Variants in DAB1 observed in about 807,000 individuals in gnomAD.
DAB1 encodes the protein DAB adaptor protein 1.
In DAB1, 15 loss-of-function variants were observed where a neutral mutation model predicts 64.6. The observed-to-expected ratio is 0.23, with a 90% CI of 0.16 to 0.36. The LOEUF (loss-of-function observed/expected upper bound fraction) is 0.36, where lower values mean the gene tolerates loss of function less well. Among genes scored for constraint, DAB1 ranks in the 10% least tolerant of loss-of-function variants. The pLI is 1.00. For synonymous variants in DAB1, 235 were observed against 251.9 expected (o/e 0.93, Z 0.64); for missense variants, 596 against 706.7 (o/e 0.84, Z 1.78).
chr1:57,399,951 T>G (rs565343035), intron 1 of DAB1, among the ~76,000 whole-genome samples: 1 of 152,340 alleles, frequency 6.6e-6, no homozygotes, highest in Admixed American at 6.5e-5. Flanking sequence ...TGGATTAGAA[T>G]AGCCTGTCTT....
intron 5 of DAB1, among the ~76,000 whole-genome samples, chr1:57,990,409 C>T (rs758668130): frequency 2.0e-5 from 3 of 152,236 alleles, no homozygotes; most frequent in African/African-American, 4.8e-5. Context: ...TATCCCCAAA[C>T]ATACCAACAT....
intron 4 of DAB1, among the ~76,000 whole-genome samples, chr1:58,287,452 C>T (rs1661712286): frequency 6.6e-6 from 1 of 152,040 alleles, no homozygotes; most frequent in Admixed American, 6.6e-5. Context: ...GTGGCTGGAG[C>T]CAGAGTCACC....
At chr1:57,028,754 G>A (rs1646870360) in intron 9 of DAB1, among the ~76,000 whole-genome samples, 1 of 152,164 alleles carries the variant, frequency 6.6e-6, no homozygotes, top group Non-Finnish European at 1.5e-5. Flanking sequence ...CTGTCCTAGA[G>A]ACTTGTGGAA....
At position 58,418,381 on chromosome 1, in the gene DAB1, A is replaced by C. The variant is rs1644742155; in HGVS notation, n.258-74978T>G. On this transcript the variant is annotated intron_variant and non_coding_transcript_variant, in intron 3 of 20. Coordinates refer to the DAB1 transcript ENST00000485760. Reference sequence around the variant, plus strand: ...CAGCCTCGATCACACTCCTTGGTCAATGACTTTCTCCTCTGCTTGCAAAAG... The same window carrying C: ...CAGCCTCGATCACACTCCTTGGTCACTGACTTTCTCCTCTGCTTGCAAAAG... Among the ~76,000 whole-genome samples, 3 of 152,274 alleles carry C rather than the reference A, an allele frequency of 2.0e-5. No individual in the cohort carries two copies. The South Asian group carries it at 6.2e-4, about 32-fold the overall frequency.
At chr1:58,127,731 G>T (rs1209965844) in intron 5 of DAB1, among the ~76,000 whole-genome samples, 1 of 151,586 alleles carries the variant, frequency 6.6e-6, no homozygotes, top group Non-Finnish European at 1.5e-5. Flanking sequence ...TTTCCCCATT[G>T]CTTGTTTTTC....
intron 5 of DAB1, among the ~76,000 whole-genome samples, chr1:57,918,679 C>CTGGGCATGGTGG (rs1430913882): frequency 6.6e-6 from 1 of 152,146 alleles, no homozygotes; most frequent in Non-Finnish European, 1.5e-5. Flanking sequence ...AAAAAATTAG[C>CTGGGCATGGTGG]CGGGCATGGT....
At chr1:57,204,351 C>T (rs1472747481) in intron 2 of DAB1, among the ~76,000 whole-genome samples, 1 of 151,502 alleles carries the variant, frequency 6.6e-6, no homozygotes, top group Non-Finnish European at 1.5e-5. Context: ...TAACCAGTTA[C>T]TCAGGCTCTT....
rs535218120 is a variant in DAB1, at chr1:57,354,552, C to T, written c.-136-63386G>A. ...GTTGAGGGTGGGGGGTTAGGATGTACGCTATACACTTACATTCCCCACAAT... is the reference window on the plus strand; with the variant it reads ...GTTGAGGGTGGGGGGTTAGGATGTATGCTATACACTTACATTCCCCACAAT... On this transcript the variant is annotated intron_variant, in intron 1 of 14. Transcript: ENST00000371236. Among the ~76,000 whole-genome samples, 18 of 152,166 alleles carry T rather than the reference C, an allele frequency of 1.2e-4. No individual in the cohort carries two copies. In the South Asian group the frequency reaches 2.1e-3, roughly 18 times the overall value.
chr1:58,348,420 G>A (rs148789435), intron 3 of DAB1, among the ~76,000 whole-genome samples: 214 of 152,086 alleles, frequency 1.4e-3, no homozygotes, highest in African/African-American at 4.6e-3. Flanking sequence ...ATTCATGGCT[G>A]TAGTTACAAA....
At chr1:58,362,510 C>T (rs1450639739) in intron 3 of DAB1, among the ~76,000 whole-genome samples, 1 of 152,128 alleles carries the variant, frequency 6.6e-6, no homozygotes, top group Non-Finnish European at 1.5e-5. Flanking sequence ...CAGTTGCCTC[C>T]CTGTCCTTCC....
chr1:57,584,024 C>G (rs1016726719), intron 7 of DAB1, among the ~76,000 whole-genome samples: 1 of 152,158 alleles, frequency 6.6e-6, no homozygotes, highest in Non-Finnish European at 1.5e-5. Context: ...CGAACTGCAA[C>G]CTAGCTTAAT....
chr1:58,188,271 A>G (rs145077902), intron 4 of DAB1, among the ~76,000 whole-genome samples: 1 of 152,362 alleles, frequency 6.6e-6, no homozygotes, highest in East Asian at 1.9e-4. Flanking sequence ...GACAGAGATC[A>G]TACGCGGCTA....
At chr1:57,455,422 C>G (rs549758671) in intron 7 of DAB1, among the ~76,000 whole-genome samples, 7 of 152,002 alleles carry the variant, frequency 4.6e-5, no homozygotes, top group Non-Finnish European at 7.4e-5. Context: ...GATGCTGGAG[C>G]CTTGTCTCTT....
chr1:57,172,804 A>T (rs2100931288), intron 2 of DAB1, among the ~76,000 whole-genome samples: 2 of 152,280 alleles, frequency 1.3e-5, no homozygotes, highest in Admixed American at 1.3e-4. Context: ...AACATCTCCC[A>T]TTAGGCCCCA....
chr1:57,138,642 T>A (rs1455867335), intron 3 of DAB1, among the ~76,000 whole-genome samples: 1 of 152,212 alleles, frequency 6.6e-6, no homozygotes. Flanking sequence ...TGTTTTCCCA[T>A]GAATTCACTG....
chr1:57,755,913 T>G (rs915882335), intron 6 of DAB1, among the ~76,000 whole-genome samples: 2 of 152,136 alleles, frequency 1.3e-5, no homozygotes, highest in African/African-American at 4.8e-5. Context: ...AGGCCTTACT[T>G]AAAACAAATA....
At chr1:57,176,691 G>T (rs536915001) in intron 2 of DAB1, among the ~76,000 whole-genome samples, 3 of 151,990 alleles carry the variant, frequency 2.0e-5, no homozygotes, top group African/African-American at 4.8e-5. Context: ...ACATTGGGAG[G>T]GATTGAATGC....
At chr1:57,197,116 A>T (rs886700451) in intron 2 of DAB1, among the ~76,000 whole-genome samples, 4 of 152,156 alleles carry the variant, frequency 2.6e-5, no homozygotes, top group Non-Finnish European at 4.4e-5. Flanking sequence ...CGGGCAGATC[A>T]CTTGAGGTCA....
chr1:57,550,342 C>G (rs533397894), intron 7 of DAB1, among the ~76,000 whole-genome samples: 2 of 152,272 alleles, frequency 1.3e-5, no homozygotes, highest in African/African-American at 4.8e-5. Context: ...GTGCTATAAA[C>G]AGGACTCCTA....
Sources: allele counts gnomAD v4.1 joint callset (sites outside exome capture counted in the v4.1 genomes callset), GRCh38; gene constraint gnomAD v4.1.1; transcripts MANE v1.5; gene names NCBI Gene and HGNC (gene_info 2026-07-23, HGNC 2026-07-21).